SYNE3: variants seen among roughly 807,000 people sequenced by gnomAD.
The protein encoded by SYNE3 is spectrin repeat containing nuclear envelope family member 3.
In SYNE3, 100 loss-of-function variants were observed where a neutral mutation model predicts 111.2. The ratio of observed to expected loss-of-function variants is 0.90; its 90% CI spans 0.77 to 1.06. SYNE3 has a LOEUF of 1.06. Ranked by LOEUF, SYNE3 falls within the 50% of genes least tolerant of loss-of-function variation. The pLI is 0.00. For missense variants in SYNE3, 1,160 were observed against 1,240.3 expected (o/e 0.94, Z 0.97); for synonymous variants, 547 against 533.9 (o/e 1.02, Z -0.34).
intron 1 of SYNE3, among the ~76,000 whole-genome samples, chr14:95,482,035 G>C (rs761651424): frequency 1.3e-5 from 2 of 152,228 alleles, no homozygotes; most frequent in Non-Finnish European, 2.9e-5. Context: ...TGCTGGGTGG[G>C]GCCCCTACTT....
At chr14:95,512,005 C>A (rs1422392677) in intron 1 of SYNE3, among the ~76,000 whole-genome samples, 1 of 152,184 alleles carries the variant, frequency 6.6e-6, no homozygotes, top group Non-Finnish European at 1.5e-5. Context: ...TCAAATATTT[C>A]AGGATTTTAT....
At chr14:95,487,204 C>A (rs963387812) in intron 1 of SYNE3, among the ~76,000 whole-genome samples, 3 of 152,242 alleles carry the variant, frequency 2.0e-5, no homozygotes, top group Non-Finnish European at 4.4e-5. Context: ...CTTCTCCTTT[C>A]TTTGGGTCCC....
intron 1 of SYNE3, among the ~76,000 whole-genome samples, chr14:95,510,310 T>G (rs896244506): frequency 6.7e-6 from 1 of 150,018 alleles, no homozygotes; most frequent in Non-Finnish European, 1.5e-5. Context: ...GGCTGAGACC[T>G]GGGCCCAGGT....
At position 95,500,739 on chromosome 14, in the gene SYNE3, G is replaced by C. The variant is rs1347756187; in HGVS notation, c.-15+15857C>G. 6.6e-6 allele frequency among the ~76,000 whole-genome samples: 1 copy of C among 152,146 alleles called. No individual in the cohort carries two copies. Among genetic ancestry groups the C allele is most frequent in the Non-Finnish European group, 1.5e-5 (1 of 68,022 alleles). ...AACATCTTTTCCCTCGCAGGACCCTGGGTTGTCCCCAGCAGCCCCATAGCA... is the reference window on the plus strand; with the variant it reads ...AACATCTTTTCCCTCGCAGGACCCTCGGTTGTCCCCAGCAGCCCCATAGCA... On this transcript the variant is annotated intron_variant, in intron 1 of 17. Transcript: ENST00000682763. This position sits in a 1 kb window ranked among gnomAD's most constrained non-coding sequence, Gnocchi z 4.7.
Position 95,466,048 on chromosome 14 carries a change from C to T in SYNE3, c.510G>A (p.Leu170=), listed in dbSNP as rs760393205. 1.9e-6 allele frequency: 3 copies of T among 1,613,152 alleles called. No homozygotes were observed. The South Asian group carries it at 3.3e-5, about 18-fold the overall frequency. The change falls in exon 4 of 18, where the codon CTG becomes CTA. Residue 170 remains leucine (L), a synonymous_variant. Transcript: ENST00000682763. ...LHNVDNQAVL[L]DRLLEEAASL... ...AGGCTGCCTCCTCCAGCAGCCGGTC[C>T]AGGAGCACCGCCTGGTTGTCCACGT...
chr14:95,438,924 G>A, intron 14 of SYNE3, 109 bp downstream of exon 14: 3 of 1,488,272 alleles, frequency 2.0e-6, no homozygotes, highest in Non-Finnish European at 2.8e-6. Context: ...CAAGTCCTCA[G>A]AGCAGAGCAT....
intron 5 of SYNE3, 30 bp from the exon 6 acceptor site, chr14:95,455,754 C>A (rs1229131964): frequency 6.2e-7 from 1 of 1,601,744 alleles, no homozygotes; most frequent in Admixed American, 1.7e-5. Flanking sequence ...GAGGGAAAAA[C>A]AGGCAGGGAA....
chr14:95,438,270 G>A (rs931897177), intron 14 of SYNE3: 2 of 152,160 alleles, frequency 1.3e-5, no homozygotes, highest in African/African-American at 4.8e-5. Context: ...TATAGAAATG[G>A]GGTCTTGCTA....
chr14:95,467,745 G>A, intron 3 of SYNE3, 50 bp downstream of exon 3: 1 of 1,606,784 alleles, frequency 6.2e-7, no homozygotes, highest in Non-Finnish European at 8.5e-7. Flanking sequence ...GTGTCACAGT[G>A]GGCAAGGAGG....
At chr14:95,474,718 T>C (rs1021807192) in intron 2 of SYNE3, among the ~76,000 whole-genome samples, 1 of 152,194 alleles carries the variant, frequency 6.6e-6, no homozygotes, top group Non-Finnish European at 1.5e-5. Context: ...GGGCATGAGA[T>C]ATATGCAATA....
At chr14:95,477,042 G>A (rs544882767) in intron 1 of SYNE3, among the ~76,000 whole-genome samples, 2 of 152,288 alleles carry the variant, frequency 1.3e-5, no homozygotes, top group East Asian at 1.9e-4. Flanking sequence ...TATATATTAG[G>A]TAGTCACAAC....
intron 17 of SYNE3, among the ~76,000 whole-genome samples, chr14:95,426,900 C>A: frequency 7.4e-6 from 1 of 134,484 alleles, no homozygotes; most frequent in Non-Finnish European, 1.5e-5. Context: ...TCCAAGATCG[C>A]ACCACTGCAC....
intron 17 of SYNE3, among the ~76,000 whole-genome samples, chr14:95,427,327 G>C (rs1465932421): frequency 6.6e-6 from 1 of 152,122 alleles, no homozygotes; most frequent in Non-Finnish European, 1.5e-5. Flanking sequence ...CCTTTTCCCA[G>C]GGGAGTTTAG....
chr14:95,450,308 G>A (rs991229119), intron 7 of SYNE3: 16 of 640,314 alleles, frequency 2.5e-5, no homozygotes, highest in Non-Finnish European at 3.7e-5. Flanking sequence ...ACTATGAAAA[G>A]GCATCAGCAG....
intron 2 of SYNE3, among the ~76,000 whole-genome samples, chr14:95,473,490 G>A (rs974339471): frequency 6.6e-6 from 1 of 152,104 alleles, no homozygotes; most frequent in Non-Finnish European, 1.5e-5. Context: ...TGCACGGACA[G>A]GAGGGTTTCA....
intron 1 of SYNE3, among the ~76,000 whole-genome samples, chr14:95,480,915 C>T (rs1461875353): frequency 1.3e-5 from 2 of 152,358 alleles, no homozygotes; most frequent in Non-Finnish European, 2.9e-5. Context: ...TCAGCAGCAG[C>T]AGAAGGGGAG....
chr14:95,460,443 A>G (rs914797309), intron 4 of SYNE3, among the ~76,000 whole-genome samples: 3 of 147,570 alleles, frequency 2.0e-5, no homozygotes, highest in African/African-American at 7.6e-5. Flanking sequence ...TTGGTCTCGA[A>G]CTCCTGACCT....
At chr14:95,459,734 G>A (rs551425057) in intron 4 of SYNE3, among the ~76,000 whole-genome samples, 24 of 152,294 alleles carry the variant, frequency 1.6e-4, no homozygotes, top group African/African-American at 5.5e-4. Context: ...CTGCAAGTAG[G>A]AGAAAACATC....
At chr14:95,418,586 C>A (rs766415506) in intron 17 of SYNE3, among the ~76,000 whole-genome samples, 1 of 151,964 alleles carries the variant, frequency 6.6e-6, no homozygotes, top group Non-Finnish European at 1.5e-5. Flanking sequence ...CTTTTTCCTC[C>A]CCCTCTTCCT....
Sources: gnomAD v4.1 joint callset for allele counts (sites outside exome capture counted in the v4.1 genomes callset) on GRCh38, gnomAD v4.1.1 for gene constraint, Gnocchi (gnomAD v3.1) non-coding constraint, MANE v1.5 for transcripts, NCBI Gene and HGNC (gene_info 2026-07-23, HGNC 2026-07-21) for gene names.